CDON: variants seen among roughly 807,000 people sequenced by gnomAD.
The protein encoded by CDON is cell adhesion molecule-related/down-regulated by oncogenes.
CDON carries 73 observed loss-of-function variants against 120.9 expected under a neutral mutation model. The ratio of observed to expected loss-of-function variants is 0.60; its 90% CI spans 0.50 to 0.73. The LOEUF is 0.73. CDON is among the 30% of genes least tolerant of loss of function. The pLI is 0.00. For missense variants in CDON, 1,470 were observed against 1,587.3 expected (o/e 0.93, Z 1.26); for synonymous variants, 566 against 573.5 (o/e 0.99, Z 0.19).
intron 18 of CDON, among the ~76,000 whole-genome samples, chr11:125,963,641 A>G (rs971975905): frequency 1.3e-5 from 2 of 152,204 alleles, no homozygotes; most frequent in Non-Finnish European, 2.9e-5. Flanking sequence ...TTTAATTTAA[A>G]TAACTCCAAC....
At chr11:125,989,331 T>A (rs1946560616) in intron 15 of CDON, among the ~76,000 whole-genome samples, 1 of 151,990 alleles carries the variant, frequency 6.6e-6, no homozygotes, top group South Asian at 2.1e-4. Flanking sequence ...AGGCCAGGAG[T>A]TCGAGACCAG....
At chr11:126,026,480 T>A (rs533493734) in intron 1 of CDON, among the ~76,000 whole-genome samples, 3 of 152,346 alleles carry the variant, frequency 2.0e-5, no homozygotes, top group East Asian at 3.9e-4. Flanking sequence ...TGCTAACCAT[T>A]AATAAAATTA....
At chr11:126,036,539 A>G (rs1432724824) in intron 1 of CDON, among the ~76,000 whole-genome samples, 1 of 142,134 alleles carries the variant, frequency 7.0e-6, no homozygotes, top group Non-Finnish European at 1.6e-5. Context: ...TAGTCAAACA[A>G]TAACAGACCC....
chr11:125,988,258 G>A (rs538860239), intron 15 of CDON, among the ~76,000 whole-genome samples: 101 of 152,218 alleles, frequency 6.6e-4, no homozygotes, highest in Non-Finnish European at 1.2e-3. Flanking sequence ...AAATAGACAC[G>A]GTCAGATATG....
At position 126,033,436 on chromosome 11, in the gene CDON, C is replaced by A. The variant is rs1294489295; in HGVS notation, c.-61-9899G>T. 2.6e-5 allele frequency among the ~76,000 whole-genome samples: 4 copies of A among 152,212 alleles called. 1 individual carries two copies. The East Asian group carries it at 7.7e-4, about 29-fold the overall frequency. ...CTATGGCTCAGGCTGAATCCCAAAACTATCATGCTTGAAGGGACAGAAACT... is the reference window on the plus strand; with the variant it reads ...CTATGGCTCAGGCTGAATCCCAAAAATATCATGCTTGAAGGGACAGAAACT... On this transcript the variant is annotated intron_variant, in intron 1 of 19. Coordinates refer to ENST00000531738, the MANE Select transcript of CDON (RefSeq NM_001378964.1).
chr11:126,047,621 G>T (rs1467972403), intron 1 of CDON, among the ~76,000 whole-genome samples: 7 of 152,188 alleles, frequency 4.6e-5, no homozygotes, highest in Admixed American at 4.6e-4. Flanking sequence ...CCAAGCTATT[G>T]TGTCCTCATT....
intron 18 of CDON, among the ~76,000 whole-genome samples, chr11:125,969,617 T>C (rs1945904377): frequency 6.6e-6 from 1 of 152,240 alleles, no homozygotes; most frequent in Non-Finnish European, 1.5e-5. Context: ...GAAACTACTT[T>C]GTTTAATCTT....
chr11:126,032,901 G>A (rs902007122), intron 1 of CDON, among the ~76,000 whole-genome samples: 1 of 152,140 alleles, frequency 6.6e-6, no homozygotes, highest in Non-Finnish European at 1.5e-5. Flanking sequence ...CCAGCTACTT[G>A]GGAGGATGAG....
At chr11:126,029,780 G>A (rs1255454590) in intron 1 of CDON, among the ~76,000 whole-genome samples, 2 of 152,056 alleles carry the variant, frequency 1.3e-5, no homozygotes, top group East Asian at 3.9e-4. Context: ...TCTTTTCACC[G>A]ACATTCTGAG....
Position 125,997,191 on chromosome 11 carries a change from G to A in CDON, c.2362+16C>T, listed in dbSNP as rs751782414. ...GTTCACATCGATGGTAAAAGGAAAC[G>A]TTTGAATATTACTACCTGGTTCTAA... is the stretch of plus-strand genomic sequence containing the variant. On this transcript the variant is annotated intron_variant, in intron 12 of 19. Coordinates refer to ENST00000531738, the MANE Select transcript of CDON (RefSeq NM_001378964.1). 2.9e-5 allele frequency: 46 copies of A among 1,571,740 alleles called. No individual in the cohort carries two copies. Among genetic ancestry groups the A allele is most frequent in the South Asian group, 7.8e-5 (7 of 90,236 alleles).
At position 125,961,039 on chromosome 11, in the gene CDON, G is replaced by A; in HGVS notation, c.3698C>T (p.Pro1233Leu). The A allele has an allele frequency of 6.2e-7, 1 of 1,614,008 alleles. No homozygotes were observed. Among genetic ancestry groups the A allele is most frequent in the Non-Finnish European group, 8.5e-7 (1 of 1,179,840 alleles). ...CTTCTCAGCACAGCCCTCGGGGACA[G>A]GTGGCAAAATAAGAGCATTCCAACT... is the stretch of plus-strand genomic sequence containing the variant. ...IVSWNALILPPVPEGCAEKTM... is the reference protein window; with the variant it reads ...IVSWNALILPLVPEGCAEKTM... The change falls in exon 20 of 20, where the codon CCT becomes CTT. Residue 1233 changes from proline (P) to leucine (L), a missense_variant. Transcript: ENST00000531738.
intron 1 of CDON, among the ~76,000 whole-genome samples, chr11:126,054,498 G>C (rs1398929646): frequency 6.6e-6 from 1 of 151,978 alleles, no homozygotes; most frequent in Non-Finnish European, 1.5e-5. Context: ...TTGAAGCTGT[G>C]GTATCACTCC....
intron 18 of CDON, among the ~76,000 whole-genome samples, chr11:125,977,005 C>G (rs1159849208): frequency 6.6e-6 from 1 of 152,134 alleles, no homozygotes; most frequent in Non-Finnish European, 1.5e-5. Context: ...CAAAAGAAAA[C>G]ACGTTAAAAT....
At chr11:126,041,522 T>C (rs1014389398) in intron 1 of CDON, among the ~76,000 whole-genome samples, 1 of 152,208 alleles carries the variant, frequency 6.6e-6, no homozygotes, top group African/African-American at 2.4e-5. Flanking sequence ...TCCTACAACA[T>C]ATGAACTTCT....
At chr11:125,979,535 T>C (rs1946236903) in intron 17 of CDON, among the ~76,000 whole-genome samples, 1 of 152,174 alleles carries the variant, frequency 6.6e-6, no homozygotes, top group Non-Finnish European at 1.5e-5. Context: ...ATTTCTCTAT[T>C]TCCCCCACCC....
At chr11:125,969,071 T>C (rs2134374527) in intron 18 of CDON, among the ~76,000 whole-genome samples, 1 of 152,360 alleles carries the variant, frequency 6.6e-6, no homozygotes, top group African/African-American at 2.4e-5. Flanking sequence ...TGATCTCAGC[T>C]CACTGCAACC....
intron 1 of CDON, among the ~76,000 whole-genome samples, chr11:126,024,748 T>TG (rs1270573222): frequency 6.6e-6 from 1 of 152,108 alleles, no homozygotes; most frequent in Non-Finnish European, 1.5e-5. Flanking sequence ...TGGCACTAGT[T>TG]GAGCTCTAAG....
At chr11:126,041,283 A>G (rs1948257212) in intron 1 of CDON, among the ~76,000 whole-genome samples, 3 of 152,124 alleles carry the variant, frequency 2.0e-5, no homozygotes, top group Non-Finnish European at 4.4e-5. Flanking sequence ...CACCAAAGGC[A>G]CTATTATTTT....
intron 7 of CDON, among the ~76,000 whole-genome samples, chr11:126,012,853 C>T (rs1236727133): frequency 6.6e-6 from 1 of 152,154 alleles, no homozygotes; most frequent in African/African-American, 2.4e-5. Context: ...ACAATCATAT[C>T]CAGCTGTAAA....
Sources: allele counts gnomAD v4.1 joint callset (sites outside exome capture counted in the v4.1 genomes callset), GRCh38; gene constraint gnomAD v4.1.1; transcripts MANE v1.5; gene names NCBI Gene and HGNC (gene_info 2026-07-23, HGNC 2026-07-21).